The following BNC2 variants were observed in gnomAD, a reference collection of about 807,000 sequenced individuals.
The protein encoded by BNC2 is basonuclin zinc finger protein 2.
In BNC2, 20 loss-of-function variants were observed where a neutral mutation model predicts 76.3. The observed-to-expected ratio is 0.26, with a 90% CI of 0.18 to 0.38. BNC2 has a LOEUF of 0.38. Among genes scored for constraint, BNC2 ranks in the 10% least tolerant of loss-of-function variants. The pLI is 1.00. For missense variants in BNC2, 1,382 were observed against 1,399.8 expected, an observed-to-expected ratio of 0.99 and a Z score of 0.20; for synonymous variants, 582 against 514.8, an observed-to-expected ratio of 1.13 and a Z score of -1.77.
At chr9:16,590,150 T>G (rs1449866719) in intron 3 of BNC2, among the ~76,000 whole-genome samples, 1 of 152,066 alleles carries the variant, frequency 6.6e-6, no homozygotes, top group Non-Finnish European at 1.5e-5. Context: ...TGCATCACAA[T>G]AATTAATAAA....
intron 3 of BNC2, among the ~76,000 whole-genome samples, chr9:16,722,999 T>C (rs1824207061): frequency 6.6e-6 from 1 of 152,196 alleles, no homozygotes; most frequent in African/African-American, 2.4e-5. Flanking sequence ...TATATTTGAA[T>C]ATATGTCTAT....
At chr9:16,570,094 A>C (rs1819278249) in intron 4 of BNC2, among the ~76,000 whole-genome samples, 1 of 152,170 alleles carries the variant, frequency 6.6e-6, no homozygotes, top group Non-Finnish European at 1.5e-5. Flanking sequence ...CACTTTAAAG[A>C]CTTAATTTTC....
intron 1 of BNC2, among the ~76,000 whole-genome samples, chr9:16,752,651 G>GCA (rs1554722879): frequency 1.3e-5 from 2 of 152,018 alleles, no homozygotes; most frequent in Non-Finnish European, 2.9e-5. Flanking sequence ...AAAATAATCT[G>GCA]TATAGTTTTC....
chr9:16,541,427 G>C (rs769931173), intron 5 of BNC2, among the ~76,000 whole-genome samples: 3 of 152,152 alleles, frequency 2.0e-5, no homozygotes, highest in African/African-American at 7.2e-5. Flanking sequence ...CATGGCTACT[G>C]CAAGACAGAC....
At chr9:16,788,597 GT>G (rs1826376513) in intron 1 of BNC2, among the ~76,000 whole-genome samples, 1 of 150,388 alleles carries the variant, frequency 6.6e-6, no homozygotes, top group East Asian at 2.0e-4. Flanking sequence ...AACATGACAA[GT>G]TGATTCAATG....
chr9:16,805,506 T>C (rs910873048), intron 1 of BNC2, among the ~76,000 whole-genome samples: 3 of 151,994 alleles, frequency 2.0e-5, no homozygotes, highest in Non-Finnish European at 2.9e-5. Context: ...TTTTGTATTT[T>C]TAGTACAGAC....
At chr9:16,498,440 C>G (rs1822446403) in intron 5 of BNC2, among the ~76,000 whole-genome samples, 1 of 150,966 alleles carries the variant, frequency 6.6e-6, no homozygotes, top group South Asian at 2.1e-4. Flanking sequence ...ACCGTATGTA[C>G]TCACTGATAT....
At chr9:16,635,730 T>C (rs542578588) in intron 3 of BNC2, among the ~76,000 whole-genome samples, 16 of 152,358 alleles carry the variant, frequency 1.1e-4, no homozygotes, top group African/African-American at 3.1e-4. Context: ...AATTTCTAGA[T>C]ACGATCTATA....
At chr9:16,603,851 C>G (rs1356986322) in intron 3 of BNC2, among the ~76,000 whole-genome samples, 1 of 147,456 alleles carries the variant, frequency 6.8e-6, no homozygotes, top group Admixed American at 6.9e-5. Flanking sequence ...TATTTTCAAA[C>G]CTCTCTCAAA....
chr9:16,548,930 T>C (rs1164525311), intron 5 of BNC2, among the ~76,000 whole-genome samples: 1 of 152,238 alleles, frequency 6.6e-6, no homozygotes, highest in African/African-American at 2.4e-5. Context: ...ATGCATTTTA[T>C]ACCCAACTGG....
intron 1 of BNC2, among the ~76,000 whole-genome samples, chr9:16,859,627 T>A (rs1341980388): frequency 2.0e-5 from 3 of 152,204 alleles, no homozygotes; most frequent in Non-Finnish European, 4.4e-5. Flanking sequence ...TACTGCATGA[T>A]TCCACTTCTA....
At chr9:16,803,625 T>C (rs969936667) in intron 1 of BNC2, among the ~76,000 whole-genome samples, 2 of 152,232 alleles carry the variant, frequency 1.3e-5, no homozygotes, top group African/African-American at 4.8e-5. Flanking sequence ...AAGCTGCCTT[T>C]GCACTCAGTA....
intron 5 of BNC2, among the ~76,000 whole-genome samples, chr9:16,547,669 G>C (rs571495055): frequency 1.3e-5 from 2 of 152,304 alleles, no homozygotes; most frequent in African/African-American, 4.8e-5. Flanking sequence ...CTGATGCCTA[G>C]AAGAGAAGAA....
intron 1 of BNC2, among the ~76,000 whole-genome samples, chr9:16,820,992 G>T (rs1359587399): frequency 3.3e-5 from 5 of 152,066 alleles, no homozygotes; most frequent in Admixed American, 6.5e-5. Flanking sequence ...CAGAACGTTG[G>T]GAGGCCGAGG....
intron 5 of BNC2, among the ~76,000 whole-genome samples, chr9:16,445,187 A>G (rs771743714): frequency 6.6e-6 from 1 of 152,238 alleles, no homozygotes; most frequent in Admixed American, 6.5e-5. Context: ...AAAATCGTGG[A>G]AAAAGAACTT....
intron 1 of BNC2, among the ~76,000 whole-genome samples, chr9:16,756,379 G>A (rs10810611): frequency 0.48 from 72,938 of 151,908 alleles, 19,744 homozygotes; most frequent in Non-Finnish European, 0.63. Context: ...TCTCCTAACT[G>A]TCTCTGGATC....
At chr9:16,558,765 C>T (rs1163965490) in intron 4 of BNC2, among the ~76,000 whole-genome samples, 1 of 151,912 alleles carries the variant, frequency 6.6e-6, no homozygotes, top group African/African-American at 2.4e-5. Context: ...CACGTCTCTA[C>T]TAAAAATACA....
intron 1 of BNC2, among the ~76,000 whole-genome samples, chr9:16,743,158 C>G (rs1359148232): frequency 6.6e-6 from 1 of 152,144 alleles, no homozygotes; most frequent in Non-Finnish European, 1.5e-5. Flanking sequence ...TCTAACACAC[C>G]CTGAGTCAGG....
rs569230986 is a variant in BNC2, at chr9:16,707,447, A to G, written c.330+20350T>C. 7.2e-5 allele frequency among the ~76,000 whole-genome samples: 11 copies of G among 152,288 alleles called. No homozygotes were observed. The East Asian group carries it at 2.1e-3, about 29-fold the overall frequency. On this transcript the variant is annotated intron_variant, in intron 3 of 6. Transcript: ENST00000380672. ...TCAAGTTAATCAACACAGTGACACC[A>G]AAGTATCTTGGACCAATATTCAAAG...
Sources: gnomAD v4.1 joint callset for allele counts (sites outside exome capture counted in the v4.1 genomes callset) on GRCh38, gnomAD v4.1.1 for gene constraint, MANE v1.5 for transcripts, NCBI Gene and HGNC (gene_info 2026-07-23, HGNC 2026-07-21) for gene names.